The following ITPR2 variants were observed in gnomAD, a reference collection of about 807,000 sequenced individuals.
ITPR2 encodes the protein inositol 1,4,5-trisphosphate receptor type 2, also known as inositol 1,4,5-trisphosphate-gated calcium channel ITPR2.
In ITPR2, 207 loss-of-function variants were observed where a neutral mutation model predicts 317.1. The ratio of observed to expected loss-of-function variants is 0.65; its 90% CI spans 0.58 to 0.73. The LOEUF (loss-of-function observed/expected upper bound fraction) is 0.73, where lower values mean the gene tolerates loss of function less well. Ranked by LOEUF, ITPR2 falls within the 30% of genes least tolerant of loss-of-function variation. ITPR2 has a pLI of 0.00. For missense variants in ITPR2, 2,613 were observed against 3,284.0 expected, an observed-to-expected ratio of 0.80 and a Z score of 4.99; for synonymous variants, 1,156 against 1,149.1, an observed-to-expected ratio of 1.01 and a Z score of -0.12.
chr12:26,539,482 G>A (rs982462439), intron 37 of ITPR2, among the ~76,000 whole-genome samples: 1 of 151,340 alleles, frequency 6.6e-6, no homozygotes, highest in African/African-American at 2.4e-5. Context: ...GTTTCTTTTT[G>A]TAGCCTGGCT....
intron 2 of ITPR2, among the ~76,000 whole-genome samples, chr12:26,767,326 A>C (rs1949739011): frequency 2.0e-5 from 3 of 152,220 alleles, no homozygotes; most frequent in Admixed American, 2.0e-4. Context: ...CCAGAGGTTC[A>C]GAGCAGCTTC....
intron 55 of ITPR2, among the ~76,000 whole-genome samples, chr12:26,366,145 C>A (rs965069119): frequency 6.6e-6 from 1 of 152,114 alleles, no homozygotes; most frequent in Non-Finnish European, 1.5e-5. Flanking sequence ...TCTTTGCAAA[C>A]TCTAAAGACA....
intron 32 of ITPR2, among the ~76,000 whole-genome samples, chr12:26,586,221 T>G (rs1945523337): frequency 6.6e-6 from 1 of 152,100 alleles, no homozygotes; most frequent in South Asian, 2.1e-4. Flanking sequence ...CTCGGCTCAC[T>G]ACAGCCTCAA....
chr12:26,762,552 T>G (rs1949655504), intron 2 of ITPR2, among the ~76,000 whole-genome samples: 1 of 152,126 alleles, frequency 6.6e-6, no homozygotes, highest in African/African-American at 2.4e-5. Flanking sequence ...GAGACCTGCC[T>G]AACAAGAAAT....
chr12:26,495,324 T>A (rs894257076), intron 37 of ITPR2, 64 bp from the exon 38 acceptor site: 1 of 860,344 alleles, frequency 1.2e-6, no homozygotes, highest in Non-Finnish European at 1.9e-6. Flanking sequence ...AATGTCAGTA[T>A]GTTAAATGCT....
intron 2 of ITPR2, among the ~76,000 whole-genome samples, chr12:26,781,446 T>TA (rs1458756346): frequency 1.3e-5 from 2 of 152,242 alleles, no homozygotes; most frequent in Non-Finnish European, 2.9e-5. Context: ...ATTGACCTCA[T>TA]ATCAGCATTT....
rs1258459407 is a variant in ITPR2 at position 26,831,820 on chromosome 12, A to G, written c.92+870T>C. ...TATTATACATAAAATATATAAATAT[A>G]TATTATACATAAAATATATAAATAT... On this transcript the variant is annotated intron_variant, in intron 1 of 56. Coordinates refer to ENST00000381340, the MANE Select transcript of ITPR2 (RefSeq NM_002223.4). This position sits in a 1 kb window ranked among gnomAD's most constrained non-coding sequence, Gnocchi z 4.9. Among the ~76,000 whole-genome samples the G allele has an allele frequency of 7.0e-6, 1 of 142,210 alleles. No individual in the cohort carries two copies. Among genetic ancestry groups the G allele is most frequent in the Non-Finnish European group, 1.5e-5 (1 of 66,438 alleles). 93.3% of individuals were successfully genotyped at this position (142,210 alleles called of 152,430 possible). A position where few individuals can be genotyped will look rare whatever the true frequency, so the allele number is the denominator to read the frequency against.
intron 37 of ITPR2, among the ~76,000 whole-genome samples, chr12:26,508,090 T>C (rs1213797118): frequency 6.6e-6 from 1 of 152,188 alleles, no homozygotes. Flanking sequence ...CTTTATTTCA[T>C]TGATTCTAAC....
At chr12:26,633,012 G>A (rs1044134403) in intron 21 of ITPR2, among the ~76,000 whole-genome samples, 4 of 152,094 alleles carry the variant, frequency 2.6e-5, no homozygotes, top group South Asian at 2.1e-4. Flanking sequence ...TCTTTGCTTC[G>A]TGGGTGTTCA....
intron 56 of ITPR2, among the ~76,000 whole-genome samples, chr12:26,339,726 G>T (rs1429360725): frequency 6.6e-6 from 1 of 152,154 alleles, no homozygotes; most frequent in African/African-American, 2.4e-5. Context: ...CTGTCACATA[G>T]CTGTCACCAT....
chr12:26,569,218 T>A (rs753119535), intron 34 of ITPR2, among the ~76,000 whole-genome samples: 23 of 151,908 alleles, frequency 1.5e-4, no homozygotes, highest in Middle Eastern at 3.4e-3. Flanking sequence ...TTAAAAATAT[T>A]GCATGCCAAA....
intron 34 of ITPR2, among the ~76,000 whole-genome samples, chr12:26,564,987 T>C (rs983231466): frequency 6.6e-6 from 1 of 152,182 alleles, no homozygotes; most frequent in Non-Finnish European, 1.5e-5. Context: ...CTGACTAGCA[T>C]CAGACTTATC....
intron 55 of ITPR2, among the ~76,000 whole-genome samples, chr12:26,342,769 C>G (rs1938175779): frequency 6.6e-6 from 1 of 152,016 alleles, no homozygotes; most frequent in Admixed American, 6.6e-5. Flanking sequence ...GCCACCATGC[C>G]CGGCTGATTT....
At chr12:26,464,510 G>A (rs562704494) in intron 45 of ITPR2, among the ~76,000 whole-genome samples, 1 of 152,152 alleles carries the variant, frequency 6.6e-6, no homozygotes, top group Non-Finnish European at 1.5e-5. Flanking sequence ...GTGTGGCCCC[G>A]TTCCTAACAG....
chr12:26,452,625 G>C (rs1380201457), intron 45 of ITPR2, among the ~76,000 whole-genome samples: 1 of 152,126 alleles, frequency 6.6e-6, no homozygotes, highest in Non-Finnish European at 1.5e-5. Context: ...GAGGGGACTG[G>C]GTTAATTTTC....
chr12:26,686,095 T>C (rs940771785), intron 11 of ITPR2, among the ~76,000 whole-genome samples: 1 of 152,236 alleles, frequency 6.6e-6, no homozygotes, highest in African/African-American at 2.4e-5. Flanking sequence ...GTTCAATAGA[T>C]ATTTCTTGAC....
At chr12:26,477,066 C>A in intron 43 of ITPR2, 59 bp from the exon 44 acceptor site, 1 of 1,098,476 alleles carries the variant, frequency 9.1e-7, no homozygotes, top group East Asian at 2.4e-5. Flanking sequence ...TTAACGATTT[C>A]TCTGCATTTG....
Position 26,599,474 on chromosome 12 carries a change from A to G in ITPR2, c.3802-129T>C, listed in dbSNP as rs534326943. 59 of 785,772 alleles carry G rather than the reference A, an allele frequency of 7.5e-5. No individual in the cohort carries two copies. The South Asian group carries it at 9.7e-4, about 13-fold the overall frequency. 48.7% of individuals were successfully genotyped at this position (785,772 alleles called of 1,614,324 possible). On this transcript the variant is annotated intron_variant, in intron 29 of 56. Transcript: ENST00000381340. ...CGAAGCCACAGTGAATTTTCTGTGC[A>G]TGTCTTTCAAAAAATGCGATGAGAT... is the stretch of plus-strand genomic sequence containing the variant.
At chr12:26,366,571 C>G (rs1157345871) in intron 55 of ITPR2, among the ~76,000 whole-genome samples, 1 of 152,116 alleles carries the variant, frequency 6.6e-6, no homozygotes, top group East Asian at 1.9e-4. Context: ...GATGGGAAGA[C>G]TAAAGAGAAT....
Sources: allele counts gnomAD v4.1 joint callset (sites outside exome capture counted in the v4.1 genomes callset), GRCh38; gene constraint gnomAD v4.1.1; non-coding constraint Gnocchi (gnomAD v3.1); transcripts MANE v1.5; gene names NCBI Gene and HGNC (gene_info 2026-07-23, HGNC 2026-07-21).